Variants in AGPS observed in about 807,000 individuals in gnomAD.
AGPS encodes alkyldihydroxyacetonephosphate synthase, peroxisomal.
Under a neutral mutation model 90.7 loss-of-function variants are expected in AGPS, and 26 were observed. The observed-to-expected ratio is 0.29, with a 90% CI of 0.21 to 0.40. The LOEUF is 0.40. AGPS is among the 10% of genes least tolerant of loss of function. The pLI is 1.00. For synonymous variants in AGPS, 294 were observed against 285.3 expected, an observed-to-expected ratio of 1.03 and a Z score of -0.31; for missense variants, 540 against 816.1, an observed-to-expected ratio of 0.66 and a Z score of 4.12.
rs1186774237 is a variant in AGPS, at chr2:177,521,289, C to T, written c.1718C>T (p.Ala573Val). 8 of 1,613,966 alleles carry T rather than the reference C, an allele frequency of 5.0e-6. No individual in the cohort carries two copies. Among genetic ancestry groups the T allele is most frequent in the Middle Eastern group, 1.6e-4 (1 of 6,082 alleles). ...STCRVTQTYD[A>V]GACIYFYFAF... ...TTTAGGGTGACGCAGACTTACGATG[C>T]AGGTGCTTGTATCTACTTCTATTTT... Residue 573 changes from alanine to valine, a missense_variant, in exon 18 of 20, where the codon GCA becomes GTA. Physicochemically the swap from Ala to Val is moderately conservative, Grantham distance 64. This residue lies in a region of AGPS where 405 missense variants were observed against 692.1 expected (regional missense o/e 0.59). Coordinates refer to ENST00000264167, the MANE Select transcript of AGPS (RefSeq NM_003659.4).
intron 1 of AGPS, among the ~76,000 whole-genome samples, chr2:177,401,046 T>C (rs1685316692): frequency 6.6e-6 from 1 of 152,226 alleles, no homozygotes; most frequent in Non-Finnish European, 1.5e-5. Flanking sequence ...GTCGACACTA[T>C]CCAGTAGAGC....
At chr2:177,461,674 AT>A (rs757674651) in intron 8 of AGPS, among the ~76,000 whole-genome samples, 5 of 151,988 alleles carry the variant, frequency 3.3e-5, no homozygotes, top group Admixed American at 6.6e-5. Context: ...TTTGGCCTAC[AT>A]TTTTTAATCT....
intron 2 of AGPS, among the ~76,000 whole-genome samples, chr2:177,433,028 A>G (rs1372387412): frequency 6.6e-6 from 1 of 151,948 alleles, no homozygotes; most frequent in East Asian, 1.9e-4. Flanking sequence ...TGACCCAACC[A>G]CCTCCCACTA....
chr2:177,471,368 T>C (rs1687620217), intron 10 of AGPS, among the ~76,000 whole-genome samples: 1 of 152,190 alleles, frequency 6.6e-6, no homozygotes, highest in Admixed American at 6.5e-5. Flanking sequence ...TTAACCATAT[T>C]AAGTTTAATG....
At chr2:177,408,531 A>G (rs1310079261) in intron 1 of AGPS, among the ~76,000 whole-genome samples, 3 of 152,114 alleles carry the variant, frequency 2.0e-5, no homozygotes, top group Admixed American at 6.5e-5. Context: ...AGATTTGGGT[A>G]TAGATTTATG....
chr2:177,500,687 A>G (rs1688539726), intron 14 of AGPS, among the ~76,000 whole-genome samples: 1 of 152,092 alleles, frequency 6.6e-6, no homozygotes, highest in African/African-American at 2.4e-5. Context: ...ACTATTTTTA[A>G]GTATTGAAAA....
chr2:177,538,428 A>T lies in AGPS; in HGVS notation c.*233A>T. 1 of 526,928 alleles carries T rather than the reference A, an allele frequency of 1.9e-6. No individual in the cohort carries two copies. Among genetic ancestry groups the T allele is most frequent in the Non-Finnish European group, 3.3e-6 (1 of 300,044 alleles). 32.6% of individuals were successfully genotyped at this position (526,928 alleles called of 1,614,324 possible). On this transcript the variant is annotated 3_prime_UTR_variant, in exon 20 of 20. Coordinates refer to ENST00000264167, the MANE Select transcript of AGPS (RefSeq NM_003659.4). ...CATCATTTTACATTCAGCGGTTGTCATTTCAAATTTTAGTCAGGCAGCACA... is the reference window on the plus strand; with the variant it reads ...CATCATTTTACATTCAGCGGTTGTCTTTTCAAATTTTAGTCAGGCAGCACA...
intron 1 of AGPS, among the ~76,000 whole-genome samples, chr2:177,409,377 A>C (rs1371445505): frequency 3.9e-5 from 5 of 129,248 alleles, no homozygotes; most frequent in African/African-American, 1.5e-4. Flanking sequence ...CTCAGGTGAT[A>C]TATGATTTGA....
rs1364765868 is a variant in AGPS at position 177,434,242 on chromosome 2, T to C, written c.351-85T>C. The C allele has an allele frequency of 5.3e-6, 5 of 951,444 alleles. No individual in the cohort carries two copies. In the East Asian group the frequency reaches 9.9e-5, roughly 19 times the overall value. The allele number at this position is 951,444 out of a possible 1,614,324, so 58.9% of individuals were successfully genotyped here. On this transcript the variant is annotated intron_variant, in intron 2 of 19. Coordinates refer to ENST00000264167, the MANE Select transcript of AGPS (RefSeq NM_003659.4). Reference sequence around the variant, plus strand: ...AAAGTGTTGGTTTGATAGTAGCTGCTTGACCATCACTGGAAGCAGAATTTA... The same window carrying C: ...AAAGTGTTGGTTTGATAGTAGCTGCCTGACCATCACTGGAAGCAGAATTTA...
At chr2:177,516,958 G>T (rs1689038397) in intron 17 of AGPS, among the ~76,000 whole-genome samples, 1 of 152,048 alleles carries the variant, frequency 6.6e-6, no homozygotes, top group African/African-American at 2.4e-5. Context: ...CACTAGAAGA[G>T]AAACACAGCT....
chr2:177,478,080 T>C (rs1687834840), intron 10 of AGPS, among the ~76,000 whole-genome samples: 2 of 152,204 alleles, frequency 1.3e-5, no homozygotes, highest in African/African-American at 4.8e-5. Context: ...GGAATGTCTT[T>C]ATTTTGTTTT....
At chr2:177,475,791 T>TG (rs1687763564) in intron 10 of AGPS, among the ~76,000 whole-genome samples, 1 of 152,142 alleles carries the variant, frequency 6.6e-6, no homozygotes, top group Non-Finnish European at 1.5e-5. Context: ...ATTTTTATTT[T>TG]TGGGGGTTTA....
At chr2:177,394,701 C>T (rs948519808) in intron 1 of AGPS, among the ~76,000 whole-genome samples, 1 of 152,168 alleles carries the variant, frequency 6.6e-6, no homozygotes, top group Non-Finnish European at 1.5e-5. Context: ...GGGCAAATCA[C>T]TTAACCTCTG....
At chr2:177,403,991 T>C (rs1317278655) in intron 1 of AGPS, among the ~76,000 whole-genome samples, 1 of 152,184 alleles carries the variant, frequency 6.6e-6, no homozygotes, top group Admixed American at 6.5e-5. Flanking sequence ...TCAAAGAGCA[T>C]TGGAATACAT....
chr2:177,507,229 T>C (rs547390242), intron 15 of AGPS, among the ~76,000 whole-genome samples: 2 of 152,290 alleles, frequency 1.3e-5, no homozygotes, highest in Non-Finnish European at 2.9e-5. Context: ...CTCATTTTAC[T>C]TGAAGTGAAA....
chr2:177,498,145 C>G (rs1297037759), intron 13 of AGPS, among the ~76,000 whole-genome samples: 1 of 151,618 alleles, frequency 6.6e-6, no homozygotes, highest in South Asian at 2.1e-4. Flanking sequence ...TGTGTGCCTT[C>G]TTTTCCTTGC....
intron 13 of AGPS, 44 bp downstream of exon 13, chr2:177,497,809 AT>A (rs1559072889): frequency 2.7e-6 from 3 of 1,097,798 alleles, no homozygotes; most frequent in Non-Finnish European, 4.1e-6. Flanking sequence ...TGCTTAAGAT[AT>A]CTGTTTTCTG....
intron 17 of AGPS, among the ~76,000 whole-genome samples, chr2:177,516,100 AC>A (rs1433495189): frequency 6.6e-6 from 1 of 152,062 alleles, no homozygotes; most frequent in African/African-American, 2.4e-5. Context: ...GTGTGCATAG[AC>A]CCCCATATCT....
intron 10 of AGPS, among the ~76,000 whole-genome samples, chr2:177,477,038 TA>T (rs1687800314): frequency 6.6e-6 from 1 of 152,156 alleles, no homozygotes; most frequent in Non-Finnish European, 1.5e-5. Flanking sequence ...TCTCTGAATT[TA>T]AAGTGTAGAT....
Sources: allele counts gnomAD v4.1 joint callset (sites outside exome capture counted in the v4.1 genomes callset), GRCh38; gene constraint gnomAD v4.1.1; regional missense constraint gnomAD v4.1.1; transcripts MANE v1.5; gene names NCBI Gene and HGNC (gene_info 2026-07-23, HGNC 2026-07-21).